The following ZCCHC7 variants were observed in gnomAD, a reference collection of about 807,000 sequenced individuals.
The protein encoded by ZCCHC7 is zinc finger CCHC-type containing 7, also known as zinc finger CCHC domain-containing protein 7.
ZCCHC7 carries 35 observed loss-of-function variants against 52.0 expected under a neutral mutation model. The observed-to-expected ratio is 0.67, with a 90% CI of 0.51 to 0.89. The LOEUF (loss-of-function observed/expected upper bound fraction) is 0.89. Ranked by LOEUF, ZCCHC7 falls within the 40% of genes least tolerant of loss-of-function variation. The pLI is 0.00. For missense variants in ZCCHC7, 574 were observed against 649.1 expected, an observed-to-expected ratio of 0.88 and a Z score of 1.26; for synonymous variants, 217 against 221.5, an observed-to-expected ratio of 0.98 and a Z score of 0.18.
intron 2 of ZCCHC7, among the ~76,000 whole-genome samples, chr9:37,147,688 A>G (rs2132812703): frequency 6.6e-6 from 1 of 152,194 alleles, no homozygotes; most frequent in East Asian, 1.9e-4. Context: ...AATAAAAGTA[A>G]TAGCTCATAT....
chr9:37,221,455 T>C (rs1824805687), intron 2 of ZCCHC7, among the ~76,000 whole-genome samples: 1 of 152,102 alleles, frequency 6.6e-6, no homozygotes, highest in South Asian at 2.1e-4. Context: ...ACACTGGAAA[T>C]AGAGAAAATA....
At chr9:37,356,603 C>A (rs774505846) in intron 8 of ZCCHC7, among the ~76,000 whole-genome samples, 7 of 152,194 alleles carry the variant, frequency 4.6e-5, no homozygotes, top group African/African-American at 7.2e-5. Flanking sequence ...CATTGCTTAA[C>A]CTTGTTAAAC....
chr9:37,143,159 A>G (rs957559830), intron 2 of ZCCHC7, among the ~76,000 whole-genome samples: 1 of 150,158 alleles, frequency 6.7e-6, no homozygotes, highest in Non-Finnish European at 1.5e-5. Context: ...TTTATTTGAA[A>G]CTCTCGTTTT....
intron 2 of ZCCHC7, among the ~76,000 whole-genome samples, chr9:37,268,488 G>A (rs1432589532): frequency 9.9e-5 from 15 of 150,944 alleles, no homozygotes; most frequent in Middle Eastern, 3.4e-3. Flanking sequence ...GTGCAGTGGC[G>A]CGATCTGGGC....
intron 2 of ZCCHC7, among the ~76,000 whole-genome samples, chr9:37,222,351 G>GTA (rs1448571574): frequency 6.6e-6 from 1 of 150,526 alleles, no homozygotes; most frequent in African/African-American, 2.4e-5. Flanking sequence ...GTGTGTGTGT[G>GTA]TGTGTGTGTG....
chr9:37,315,504 T>C (rs764730918), intron 5 of ZCCHC7, among the ~76,000 whole-genome samples: 2 of 151,966 alleles, frequency 1.3e-5, no homozygotes, highest in Non-Finnish European at 2.9e-5. Flanking sequence ...TAATAATAAA[T>C]ATTATGAGCT....
intron 2 of ZCCHC7, among the ~76,000 whole-genome samples, chr9:37,145,816 A>G (rs1843406575): frequency 6.6e-6 from 1 of 151,954 alleles, no homozygotes; most frequent in Non-Finnish European, 1.5e-5. Context: ...ATTTTGAACA[A>G]AAATTGTTCC....
chr9:37,348,223 C>T (rs1821123382), intron 6 of ZCCHC7, among the ~76,000 whole-genome samples: 1 of 152,074 alleles, frequency 6.6e-6, no homozygotes, highest in Non-Finnish European at 1.5e-5. Flanking sequence ...TAAACTTGCT[C>T]CTCTTTCTTT....
In ZCCHC7 at chr9:37,331,959, C is replaced by G. The variant is rs537008941; in HGVS notation, c.987+4125C>G. Among the ~76,000 whole-genome samples, 67 of 151,556 alleles carry G rather than the reference C, an allele frequency of 4.4e-4. No homozygotes were observed. The Middle Eastern group carries it at 0.017, about 38-fold the overall frequency. Reference sequence around the variant, plus strand: ...ATTTTTATTGGTACCATTTTTGAGGCCTAGCACATAGGTTTTCATAAGCTA... The same window carrying G: ...ATTTTTATTGGTACCATTTTTGAGGGCTAGCACATAGGTTTTCATAAGCTA... On this transcript the variant is annotated intron_variant, in intron 6 of 8. Transcript: ENST00000336755.
intron 2 of ZCCHC7, among the ~76,000 whole-genome samples, chr9:37,179,601 C>T (rs953515463): frequency 4.6e-5 from 7 of 152,132 alleles, no homozygotes; most frequent in African/African-American, 1.2e-4. Flanking sequence ...TCTCTAATTT[C>T]GAGGTTTACC....
chr9:37,198,447 C>T (rs1037108070), intron 2 of ZCCHC7, among the ~76,000 whole-genome samples: 1 of 152,214 alleles, frequency 6.6e-6, no homozygotes, highest in African/African-American at 2.4e-5. Flanking sequence ...CAGCCGATCA[C>T]ATCTTCTCTT....
intron 6 of ZCCHC7, among the ~76,000 whole-genome samples, chr9:37,329,608 T>G (rs986063686): frequency 2.0e-5 from 3 of 151,894 alleles, no homozygotes; most frequent in Non-Finnish European, 4.4e-5. Flanking sequence ...GTTTATGAAC[T>G]TGTGCATATA....
intron 2 of ZCCHC7, among the ~76,000 whole-genome samples, chr9:37,265,313 A>T (rs1327228125): frequency 6.6e-6 from 1 of 152,158 alleles, no homozygotes; most frequent in African/African-American, 2.4e-5. Context: ...GATGAAAGGT[A>T]TTCTTTACTT....
intron 6 of ZCCHC7, among the ~76,000 whole-genome samples, chr9:37,338,495 G>A (rs559802343): frequency 1.7e-4 from 26 of 152,182 alleles, no homozygotes; most frequent in African/African-American, 3.4e-4. Flanking sequence ...TTGGTCATTC[G>A]CAGCTTTTCA....
chr9:37,317,971 C>G (rs780412616), intron 5 of ZCCHC7, among the ~76,000 whole-genome samples: 4 of 151,354 alleles, frequency 2.6e-5, no homozygotes, highest in African/African-American at 4.9e-5. Context: ...AAAGCTCTTA[C>G]AAATCAATAT....
intron 2 of ZCCHC7, among the ~76,000 whole-genome samples, chr9:37,242,231 C>T (rs1825902260): frequency 6.6e-6 from 1 of 151,736 alleles, no homozygotes; most frequent in Non-Finnish European, 1.5e-5. Context: ...AATCTACATG[C>T]AATCCGTTAA....
intron 2 of ZCCHC7, among the ~76,000 whole-genome samples, chr9:37,299,946 T>G (rs1169722846): frequency 6.6e-6 from 1 of 152,170 alleles, no homozygotes; most frequent in Non-Finnish European, 1.5e-5. Context: ...AATACAGTTT[T>G]CATAGGCTGT....
At chr9:37,318,080 ATATAGC>A (rs1438799286) in intron 5 of ZCCHC7, among the ~76,000 whole-genome samples, 1 of 152,078 alleles carries the variant, frequency 6.6e-6, no homozygotes, top group Non-Finnish European at 1.5e-5. Context: ...AGTTGCAAAG[ATATAGC>A]TATAAGAATG....
At chr9:37,162,549 C>T (rs750195994) in intron 2 of ZCCHC7, among the ~76,000 whole-genome samples, 8 of 152,176 alleles carry the variant, frequency 5.3e-5, no homozygotes, top group Non-Finnish European at 1.2e-4. Flanking sequence ...GAGATTCATC[C>T]ATAAAGTAGC....
Sources: allele counts gnomAD v4.1 joint callset (sites outside exome capture counted in the v4.1 genomes callset), GRCh38; gene constraint gnomAD v4.1.1; transcripts MANE v1.5; gene names NCBI Gene and HGNC (gene_info 2026-07-23, HGNC 2026-07-21).